Variants in CLDN10 observed in about 807,000 individuals in gnomAD.
CLDN10 encodes claudin 10.
CLDN10 carries 15 observed loss-of-function variants against 22.9 expected under a neutral mutation model. The ratio of observed to expected loss-of-function variants is 0.65; its 90% CI spans 0.44 to 1.01. The LOEUF (loss-of-function observed/expected upper bound fraction) is 1.01, where lower values mean the gene tolerates loss of function less well. Ranked by LOEUF, CLDN10 falls within the 50% of genes least tolerant of loss-of-function variation. The pLI is 0.00. For synonymous variants in CLDN10, 114 were observed against 111.4 expected (o/e 1.02, Z -0.15); for missense variants, 247 against 287.8 (o/e 0.86, Z 1.03).
chr13:95,515,390 G>A (rs2043153272), intron 1 of CLDN10, among the ~76,000 whole-genome samples: 1 of 152,126 alleles, frequency 6.6e-6, no homozygotes, highest in Non-Finnish European at 1.5e-5. Context: ...AGTAGAGACG[G>A]GGTTTTGCCA....
chr13:95,476,524 C>T (rs2105169), intron 1 of CLDN10, among the ~76,000 whole-genome samples: 16,236 of 152,168 alleles, frequency 0.11, 1,013 homozygotes, highest in South Asian at 0.22. Flanking sequence ...CACCTCCCAA[C>T]GCCATCACCT....
chr13:95,478,591 A>C (rs1267208209), intron 1 of CLDN10, among the ~76,000 whole-genome samples: 1 of 152,102 alleles, frequency 6.6e-6, no homozygotes, highest in Non-Finnish European at 1.5e-5. Context: ...GTGAACAGGG[A>C]GGGTGCGCCT....
chr13:95,550,729 T>C (rs1019221882), upstream of CLDN10, among the ~76,000 whole-genome samples: 2 of 148,892 alleles, frequency 1.3e-5, no homozygotes, highest in African/African-American at 4.9e-5. Flanking sequence ...AGGCAAGCCA[T>C]ACAAAAGAAT....
At chr13:95,517,933 C>CAAAAAAAAAAAAAAAAAAAAAAAAAAA (rs35780641) in intron 1 of CLDN10, among the ~76,000 whole-genome samples, 1 of 94,092 alleles carries the variant, frequency 1.1e-5, no homozygotes, top group African/African-American at 3.9e-5. Flanking sequence ...AACTCCACCT[C>CAAAAAAAAAAAAAAAAAAAAAAAAAAA]AAAAAAAAAA....
Position 95,560,292 on chromosome 13 carries a change from A to C in CLDN10, c.381A>C (p.Ser127=). Residue 127 remains serine, a splice_region_variant and synonymous_variant, in exon 2 of 5, where the codon TCA becomes TCC. Transcript: ENST00000299339. ...TGGCTGGGATTGTATTCATACTGTC[A>C]GGTAAATAGTAACTTTCTTCCAAAC... The part of the protein sequence containing the change: ...ACLAGIVFIL[S]GLCSMTGCSL... 1 of 1,614,070 alleles carries C rather than the reference A, an allele frequency of 6.2e-7. No homozygotes were observed. The highest frequency in any genetic ancestry group is 8.5e-7 in the Non-Finnish European group (1 of 1,179,904).
intron 1 of CLDN10, among the ~76,000 whole-genome samples, chr13:95,526,160 T>G (rs990832476): frequency 2.0e-5 from 3 of 152,258 alleles, no homozygotes; most frequent in African/African-American, 7.2e-5. Flanking sequence ...TTAGCTGTGC[T>G]TATCTCATGG....
chr13:95,544,697 C>T (rs1421505406), intron 1 of CLDN10, among the ~76,000 whole-genome samples: 1 of 152,102 alleles, frequency 6.6e-6, no homozygotes. Flanking sequence ...CACGAAGCCT[C>T]CTAGTAATAC....
intron 1 of CLDN10, among the ~76,000 whole-genome samples, chr13:95,442,492 G>A (rs913356147): frequency 1.3e-5 from 2 of 152,154 alleles, no homozygotes; most frequent in Non-Finnish European, 2.9e-5. Flanking sequence ...TTTGTATAAG[G>A]CAAGACCACC....
chr13:95,495,270 C>T (rs1449212741), intron 1 of CLDN10, among the ~76,000 whole-genome samples: 2 of 151,824 alleles, frequency 1.3e-5, no homozygotes, highest in Non-Finnish European at 1.5e-5. Context: ...GTCCTGACCT[C>T]AAGTGATCTG....
rs192879502 is a variant in CLDN10, at chr13:95,531,942, C to T, written c.215-28190C>T. ...CCAACAGGAATTTAAACAAATGGTGCTAAAGTAGCCAGAGAGCCATATGGA... is the reference window on the plus strand; with the variant it reads ...CCAACAGGAATTTAAACAAATGGTGTTAAAGTAGCCAGAGAGCCATATGGA... On this transcript the variant is annotated intron_variant, in intron 1 of 4. Coordinates refer to the CLDN10 transcript ENST00000376873. Among the ~76,000 whole-genome samples, 431 of 152,154 alleles carry T rather than the reference C, an allele frequency of 2.8e-3. 3 individuals are homozygous for T. Among genetic ancestry groups the T allele is most frequent in the African/African-American group, 8.9e-3 (368 of 41,504 alleles).
At chr13:95,534,197 T>A (rs2043375882) in intron 1 of CLDN10, among the ~76,000 whole-genome samples, 1 of 152,208 alleles carries the variant, frequency 6.6e-6, no homozygotes, top group Non-Finnish European at 1.5e-5. Flanking sequence ...TTTAGCAGCA[T>A]CTGCTATGTA....
chr13:95,463,421 C>T (rs1434173841), intron 1 of CLDN10, among the ~76,000 whole-genome samples: 2 of 143,512 alleles, frequency 1.4e-5, no homozygotes, highest in Non-Finnish European at 1.5e-5. Flanking sequence ...TAGCCTGGGC[C>T]TCCTGGGCTC....
rs541429868 is a variant in CLDN10 at position 95,525,608 on chromosome 13, T to C, written c.215-34524T>C. Among the ~76,000 whole-genome samples, 12 of 152,218 alleles carry C rather than the reference T, an allele frequency of 7.9e-5. No individual in the cohort carries two copies. The South Asian group carries it at 2.1e-3, about 26-fold the overall frequency. ...CCTGGTTCAAGCTGTTTTCATGCCTTAGCCTCCAAAGTAGCTGGGATTACA... is the reference window on the plus strand; with the variant it reads ...CCTGGTTCAAGCTGTTTTCATGCCTCAGCCTCCAAAGTAGCTGGGATTACA... On this transcript the variant is annotated intron_variant, in intron 1 of 4. Coordinates refer to the CLDN10 transcript ENST00000376873.
chr13:95,482,357 T>C (rs1230597842), intron 1 of CLDN10, among the ~76,000 whole-genome samples: 2 of 152,176 alleles, frequency 1.3e-5, no homozygotes, highest in Non-Finnish European at 2.9e-5. Flanking sequence ...CCTTCTCTAA[T>C]ATATATGGCC....
At chr13:95,530,326 G>A (rs147230058) in intron 1 of CLDN10, among the ~76,000 whole-genome samples, 11 of 152,300 alleles carry the variant, frequency 7.2e-5, no homozygotes, top group Non-Finnish European at 1.6e-4. Flanking sequence ...AATTCTTTGT[G>A]TTTAAACCAC....
intron 1 of CLDN10, among the ~76,000 whole-genome samples, chr13:95,484,221 G>A (rs996561040): frequency 2.6e-5 from 4 of 152,172 alleles, no homozygotes; most frequent in Non-Finnish European, 5.9e-5. Flanking sequence ...TTCTGAGAGG[G>A]CTAAGAGCTA....
At chr13:95,446,559 A>C (rs2042380676) in intron 1 of CLDN10, among the ~76,000 whole-genome samples, 2 of 152,204 alleles carry the variant, frequency 1.3e-5, no homozygotes, top group African/African-American at 2.4e-5. Context: ...TAATATAAGA[A>C]GGTTGGACGC....
intron 1 of CLDN10, among the ~76,000 whole-genome samples, chr13:95,535,813 C>T (rs1338743024): frequency 6.6e-6 from 1 of 151,916 alleles, no homozygotes; most frequent in Non-Finnish European, 1.5e-5. Flanking sequence ...GGAGACGAAT[C>T]GTGGAACAGG....
chr13:95,434,530 T>C (rs558405110), intron 1 of CLDN10, among the ~76,000 whole-genome samples: 1 of 100,654 alleles, frequency 9.9e-6, no homozygotes, highest in African/African-American at 7.4e-5. Context: ...TGTATATATA[T>C]ATGCACACGT....
Sources: allele counts gnomAD v4.1 joint callset (sites outside exome capture counted in the v4.1 genomes callset), GRCh38; gene constraint gnomAD v4.1.1; transcripts MANE v1.5; gene names NCBI Gene and HGNC (gene_info 2026-07-23, HGNC 2026-07-21).